SLC15A2: variants seen among roughly 807,000 people sequenced by gnomAD.
SLC15A2 encodes solute carrier family 15 member 2.
A neutral mutation model predicts 95.5 loss-of-function variants in SLC15A2; 77 were observed. The observed-to-expected ratio is 0.81, with a 90% CI of 0.67 to 0.97. SLC15A2 has a LOEUF of 0.97. Ranked by LOEUF, SLC15A2 falls within the 50% of genes least tolerant of loss-of-function variation. The pLI is 0.00. For missense variants in SLC15A2, 893 were observed against 874.4 expected (o/e 1.02, Z -0.27); for synonymous variants, 306 against 306.9 (o/e 1.00, Z 0.03).
chr3:121,918,282 G>A (rs573769863), intron 7 of SLC15A2, among the ~76,000 whole-genome samples: 1 of 152,276 alleles, frequency 6.6e-6, no homozygotes, highest in South Asian at 2.1e-4. Context: ...GTTTAATGTA[G>A]TGTTCTGAAC....
chr3:121,922,735 TTC>T (rs763353283), intron 8 of SLC15A2, 38 bp from the exon 9 acceptor site: 2 of 1,483,464 alleles, frequency 1.3e-6, no homozygotes, highest in South Asian at 2.3e-5. Context: ...GAGGATGTTT[TTC>T]TCTTTGTCTC....
At chr3:121,925,407 G>C (rs747263778) in intron 13 of SLC15A2, among the ~76,000 whole-genome samples, 2 of 151,924 alleles carry the variant, frequency 1.3e-5, no homozygotes, top group Non-Finnish European at 2.9e-5. Context: ...TAAATCTCCT[G>C]TTGTCCCTAC....
At chr3:121,936,219 T>A (rs1710343190) in intron 19 of SLC15A2, among the ~76,000 whole-genome samples, 1 of 152,166 alleles carries the variant, frequency 6.6e-6, no homozygotes, top group Non-Finnish European at 1.5e-5. Context: ...TGTGGTGTGG[T>A]GCTGAAAAAA....
intron 19 of SLC15A2, among the ~76,000 whole-genome samples, chr3:121,936,902 C>T (rs531950063): frequency 0.039 from 5,774 of 147,772 alleles, 184 homozygotes; most frequent in Non-Finnish European, 0.065. Flanking sequence ...GCGGCTGGTA[C>T]CGGTTGTTCC....
chr3:121,906,508 T>C (rs1709648205), intron 3 of SLC15A2, among the ~76,000 whole-genome samples: 1 of 152,218 alleles, frequency 6.6e-6, no homozygotes, highest in African/African-American at 2.4e-5. Flanking sequence ...AGCTGTTCCT[T>C]TCCATGTTTA....
chr3:121,936,954 G>A (rs1710359943), intron 19 of SLC15A2, among the ~76,000 whole-genome samples: 1 of 151,570 alleles, frequency 6.6e-6, no homozygotes, highest in Admixed American at 6.6e-5. Context: ...TTTTAGGGCA[G>A]GCCTGGTGGT....
At chr3:121,940,606 A>G in intron 21 of SLC15A2, 118 bp downstream of exon 21, 2 of 912,958 alleles carry the variant, frequency 2.2e-6, no homozygotes, top group Non-Finnish European at 3.4e-6. Context: ...GTGACATGAA[A>G]TGGGTTAGAT....
At chr3:121,918,502 T>C (rs953754844) in intron 7 of SLC15A2, among the ~76,000 whole-genome samples, 1 of 151,790 alleles carries the variant, frequency 6.6e-6, no homozygotes, top group African/African-American at 2.4e-5. Flanking sequence ...GAGTCATTAG[T>C]ATATGGGTAG....
intron 7 of SLC15A2, among the ~76,000 whole-genome samples, chr3:121,918,832 T>C (rs1709947705): frequency 6.6e-6 from 1 of 152,078 alleles, no homozygotes. Context: ...TTATGGTAAA[T>C]GGTGGAGGCT....
chr3:121,938,880 T>A (rs1576695152), intron 19 of SLC15A2, among the ~76,000 whole-genome samples: 1 of 152,204 alleles, frequency 6.6e-6, no homozygotes, highest in East Asian at 1.9e-4. Flanking sequence ...TCTTGTTCAT[T>A]TTCTTCAATT....
intron 7 of SLC15A2, among the ~76,000 whole-genome samples, chr3:121,916,854 T>C (rs1709903916): frequency 6.6e-6 from 1 of 152,176 alleles, no homozygotes; most frequent in African/African-American, 2.4e-5. Flanking sequence ...GGAGTCTCGC[T>C]CTGTCGCCCA....
Position 121,915,625 on chromosome 3 carries a change from A to G in SLC15A2, c.629A>G (p.Gln210Arg), listed in dbSNP as rs753691007. The change falls in exon 7 of 22, where the codon CAA becomes CGA. Residue 210 changes from glutamine to arginine, a missense_variant. Coordinates refer to ENST00000489711, the MANE Select transcript of SLC15A2 (RefSeq NM_021082.4). ...ATCCCATTTTCTTTAGGAGATGTGCAATGTTTTGGAGAAGACTGCTATGCA... is the reference window on the plus strand; with the variant it reads ...ATCCCATTTTCTTTAGGAGATGTGCGATGTTTTGGAGAAGACTGCTATGCA... ...FITPMLRGDV[Q>R]CFGEDCYALA... is the part of the protein sequence containing the mutation. 5 of 1,613,340 alleles carry G rather than the reference A, an allele frequency of 3.1e-6. No individual in the cohort carries two copies. In the South Asian group the frequency reaches 5.5e-5, roughly 18 times the overall value.
chr3:121,934,748 C>A (rs1450235769), intron 19 of SLC15A2, among the ~76,000 whole-genome samples: 3 of 152,088 alleles, frequency 2.0e-5, no homozygotes, highest in Admixed American at 1.3e-4. Context: ...AATTGAATAC[C>A]CTTTATTTCC....
chr3:121,936,719 A>G lies in SLC15A2; in HGVS notation c.1762-2630A>G, dbSNP rs532067772. ...CTGATGGGTCTTGACTCTTTATCCA[A>G]TTTGCCAGTCTGTGTCTTTTAATTG... On this transcript the variant is annotated intron_variant, in intron 19 of 21. Coordinates refer to ENST00000489711, the MANE Select transcript of SLC15A2 (RefSeq NM_021082.4). Among the ~76,000 whole-genome samples the G allele has an allele frequency of 8.7e-5, 13 of 150,232 alleles. No homozygotes were observed. The East Asian group carries it at 1.4e-3, about 16-fold the overall frequency.
chr3:121,905,449 G>A (rs905886961), intron 3 of SLC15A2, among the ~76,000 whole-genome samples: 37 of 152,140 alleles, frequency 2.4e-4, no homozygotes, highest in Non-Finnish European at 4.4e-4. Flanking sequence ...TTAAGGTGTC[G>A]ATTTTAGATC....
intron 19 of SLC15A2, among the ~76,000 whole-genome samples, chr3:121,932,637 C>A (rs1710254425): frequency 6.6e-6 from 1 of 151,926 alleles, no homozygotes; most frequent in South Asian, 2.1e-4. Flanking sequence ...GTATTAAAGA[C>A]TAAAAGATAG....
At chr3:121,926,339 T>A (rs2107600538) in intron 13 of SLC15A2, among the ~76,000 whole-genome samples, 1 of 152,310 alleles carries the variant, frequency 6.6e-6, no homozygotes, top group African/African-American at 2.4e-5. Flanking sequence ...CCGTTGGTGC[T>A]GTCCTTATGA....
At chr3:121,937,463 T>C (rs1485482169) in intron 19 of SLC15A2, among the ~76,000 whole-genome samples, 4 of 141,572 alleles carry the variant, frequency 2.8e-5, no homozygotes, top group Non-Finnish European at 6.1e-5. Context: ...TTTGCTCGTT[T>C]CTTTTTATTC....
rs1360089069 is a variant in SLC15A2, at chr3:121,944,053, A to G, written c.*3046A>G. The G allele has an allele frequency of 1.3e-5, 2 of 152,264 alleles. No individual in the cohort carries two copies. The highest frequency in any genetic ancestry group is 2.9e-5 in the Non-Finnish European group (2 of 68,038). 9.4% of individuals were successfully genotyped at this position (152,264 alleles called of 1,614,324 possible). A position where few individuals can be genotyped will look rare whatever the true frequency, so the allele number is the denominator to read the frequency against. ...TTCATTTGAAAAAATGTGGACACAC[A>G]AATTGGAAAAGAGGTATAAATGCAG... On this transcript the variant is annotated 3_prime_UTR_variant, in exon 22 of 22. Coordinates refer to ENST00000489711, the MANE Select transcript of SLC15A2 (RefSeq NM_021082.4).
Sources: gnomAD v4.1 joint callset for allele counts (sites outside exome capture counted in the v4.1 genomes callset) on GRCh38, gnomAD v4.1.1 for gene constraint, MANE v1.5 for transcripts, NCBI Gene and HGNC (gene_info 2026-07-23, HGNC 2026-07-21) for gene names.